DNAAF4: variants seen among roughly 807,000 people sequenced by gnomAD.
DNAAF4 encodes dynein assembly factor 4, axonemal.
A neutral mutation model predicts 51.8 loss-of-function variants in DNAAF4; 43 were observed. That is an observed-to-expected ratio of 0.83 (90% CI 0.65 to 1.07). The LOEUF is 1.07. Ranked by LOEUF, DNAAF4 falls within the 50% of genes least tolerant of loss-of-function variation. The pLI, the probability that DNAAF4 is intolerant of heterozygous loss-of-function variation, is 0.00. For synonymous variants in DNAAF4, 194 were observed against 165.6 expected (o/e 1.17, Z -1.32); for missense variants, 581 against 493.0 (o/e 1.18, Z -1.69).
chr15:55,463,349 G>C (rs921656979), intron 5 of DNAAF4, among the ~76,000 whole-genome samples: 45 of 152,196 alleles, frequency 3.0e-4, no homozygotes, highest in African/African-American at 9.9e-4. Flanking sequence ...GTGAAAAGTT[G>C]AAAGTGTTTC....
In DNAAF4 at chr15:55,430,487, T is replaced by C; in HGVS notation, c.*183A>G. 1 of 1,146,514 alleles carries C rather than the reference T, an allele frequency of 8.7e-7. No homozygotes were observed. The allele number at this position is 1,146,514 out of a possible 1,614,324, so 71.0% of individuals were successfully genotyped here. ...ATTAAAATAGATTCTTATTTAGATT[T>C]ACTTATTCAGAAATGATTCAAGTCA... is the stretch of plus-strand genomic sequence containing the variant. On this transcript the variant is annotated 3_prime_UTR_variant, in exon 10 of 10. Coordinates refer to ENST00000321149, the MANE Select transcript of DNAAF4 (RefSeq NM_130810.4).
At chr15:55,508,076 C>T (rs1308682761) in intron 1 of DNAAF4, 46 bp downstream of exon 1, 2 of 152,094 alleles carry the variant, frequency 1.3e-5, no homozygotes, top group Admixed American at 6.6e-5. Flanking sequence ...AGTTTGAGAA[C>T]CACTAGATTA....
chr15:55,448,995 TA>T (rs1430522679), intron 6 of DNAAF4, among the ~76,000 whole-genome samples: 1 of 151,632 alleles, frequency 6.6e-6, no homozygotes, highest in East Asian at 1.9e-4. Context: ...TTTTATTTTT[TA>T]TTTTTTTTTT....
chr15:55,448,548 GTGTGTGTGTGTA>G (rs1163620846), intron 6 of DNAAF4, among the ~76,000 whole-genome samples: 1 of 140,082 alleles, frequency 7.1e-6, no homozygotes, highest in African/African-American at 2.7e-5. Context: ...GTGTGTGTGT[GTGTGTGTGTGTA>G]TAAACACAAT....
intron 6 of DNAAF4, among the ~76,000 whole-genome samples, chr15:55,447,644 G>GGT (rs2057854996): frequency 6.7e-6 from 1 of 149,788 alleles, no homozygotes; most frequent in African/African-American, 2.5e-5. Context: ...CAGGCATGGC[G>GGT]GTGCGTGCCT....
chr15:55,459,134 C>T (rs1249745610), intron 5 of DNAAF4, among the ~76,000 whole-genome samples: 2 of 150,422 alleles, frequency 1.3e-5, no homozygotes, highest in East Asian at 3.9e-4. Flanking sequence ...TAAAGGAGAA[C>T]CTATCAGATT....
At chr15:55,445,770 GGGGTGGCCGGGCAGAGGCGCTCCCC>G (rs1239078513) in intron 6 of DNAAF4, among the ~76,000 whole-genome samples, 6 of 150,402 alleles carry the variant, frequency 4.0e-5, no homozygotes, top group African/African-American at 1.5e-4. Flanking sequence ...CTTCCCAGAC[GGGGTGGCCGGGCAGAGGCGCTCCCC>G]GCTTCCCAGA....
chr15:55,479,601 G>A (rs913192816), intron 4 of DNAAF4, among the ~76,000 whole-genome samples: 6 of 152,142 alleles, frequency 3.9e-5, no homozygotes, highest in Non-Finnish European at 5.9e-5. Flanking sequence ...CAGGCAAAAA[G>A]AGTCACATTT....
At chr15:55,445,317 G>C (rs2057781221) in intron 6 of DNAAF4, among the ~76,000 whole-genome samples, 1 of 152,020 alleles carries the variant, frequency 6.6e-6, no homozygotes, top group East Asian at 1.9e-4. Context: ...ATTTAACCCT[G>C]AGTTGACACA....
chr15:55,490,064 G>T (rs2058549558), intron 4 of DNAAF4, among the ~76,000 whole-genome samples: 1 of 151,980 alleles, frequency 6.6e-6, no homozygotes, highest in Admixed American at 6.6e-5. Context: ...AGTAGAGACA[G>T]GGTTTCACTG....
chr15:55,507,493 C>T (rs1396733319), intron 1 of DNAAF4, among the ~76,000 whole-genome samples: 2 of 152,170 alleles, frequency 1.3e-5, no homozygotes, highest in African/African-American at 4.8e-5. Context: ...TGGGTACTCA[C>T]AGCATGGTTT....
chr15:55,484,441 C>A (rs998230415), intron 4 of DNAAF4, among the ~76,000 whole-genome samples: 1 of 150,140 alleles, frequency 6.7e-6, no homozygotes, highest in Non-Finnish European at 1.5e-5. Context: ...GCCGAGATCG[C>A]ACCACTGCAC....
At chr15:55,493,483 C>G (rs753717637) in intron 3 of DNAAF4, among the ~76,000 whole-genome samples, 1 of 151,954 alleles carries the variant, frequency 6.6e-6, no homozygotes, top group Non-Finnish European at 1.5e-5. Flanking sequence ...TCAGCTTCAG[C>G]GGCAGAAATA....
At chr15:55,423,456 C>G (rs1315867732) in intron 7 of DNAAF4, among the ~76,000 whole-genome samples, 1 of 152,124 alleles carries the variant, frequency 6.6e-6, no homozygotes, top group Non-Finnish European at 1.5e-5. Context: ...AAGTTATCCT[C>G]CCACCTCCTC....
chr15:55,488,885 G>C (rs1006569431), intron 4 of DNAAF4, among the ~76,000 whole-genome samples: 2 of 152,056 alleles, frequency 1.3e-5, no homozygotes, highest in East Asian at 3.9e-4. Context: ...TTAGGAGAGC[G>C]AGACCATCCT....
At chr15:55,482,120 T>G (rs2058419647) in intron 4 of DNAAF4, among the ~76,000 whole-genome samples, 1 of 152,242 alleles carries the variant, frequency 6.6e-6, no homozygotes, top group Non-Finnish European at 1.5e-5. Context: ...TTTTGTTCTT[T>G]TATTGCTTTG....
chr15:55,433,550 G>A (rs926741403), intron 8 of DNAAF4, among the ~76,000 whole-genome samples: 1 of 148,046 alleles, frequency 6.8e-6, no homozygotes, highest in Non-Finnish European at 1.5e-5. Context: ...GGCGTGAACC[G>A]GGGAGGCGGA....
At chr15:55,434,635 C>T (rs931299715) in intron 8 of DNAAF4, among the ~76,000 whole-genome samples, 23 of 151,990 alleles carry the variant, frequency 1.5e-4, no homozygotes, top group Non-Finnish European at 3.2e-4. Flanking sequence ...GAGTTCGAGA[C>T]CTGCCTGTGC....
chr15:55,433,533 G>C (rs930696748), intron 8 of DNAAF4, among the ~76,000 whole-genome samples: 1 of 149,844 alleles, frequency 6.7e-6, no homozygotes, highest in African/African-American at 2.5e-5. Flanking sequence ...CGCTGAGGCA[G>C]GAGAATGGCG....
Sources: allele counts gnomAD v4.1 joint callset (sites outside exome capture counted in the v4.1 genomes callset), GRCh38; gene constraint gnomAD v4.1.1; transcripts MANE v1.5; gene names NCBI Gene and HGNC (gene_info 2026-07-23, HGNC 2026-07-21).